The following COL22A1 variants were observed in gnomAD, a reference collection of about 807,000 sequenced individuals.
COL22A1 encodes the protein collagen type XXII alpha 1 chain, also known as collagen alpha-1(XXII) chain.
Under a neutral mutation model 248.9 loss-of-function variants are expected in COL22A1, and 221 were observed. The observed-to-expected ratio is 0.89, with a 90% CI of 0.80 to 0.99. COL22A1 has a LOEUF of 0.99. Among genes scored for constraint, COL22A1 ranks in the 50% least tolerant of loss-of-function variants. The pLI is 0.00. For missense variants in COL22A1, 2,240 were observed against 2,179.0 expected (o/e 1.03, Z -0.56); for synonymous variants, 891 against 793.4 (o/e 1.12, Z -2.07).
intron 40 of COL22A1, among the ~76,000 whole-genome samples, chr8:138,679,159 C>T (rs1335974479): frequency 6.6e-6 from 1 of 152,074 alleles, no homozygotes; most frequent in Non-Finnish European, 1.5e-5. Flanking sequence ...CTCAAACAGT[C>T]CTCCCTCTAT....
At chr8:138,893,270 A>G (rs1825190351) in intron 1 of COL22A1, among the ~76,000 whole-genome samples, 1 of 152,228 alleles carries the variant, frequency 6.6e-6, no homozygotes, top group South Asian at 2.1e-4. Context: ...GGCAGCTAGC[A>G]TAATGACTAA....
chr8:138,870,556 G>A (rs986361531), intron 3 of COL22A1, among the ~76,000 whole-genome samples: 2 of 151,826 alleles, frequency 1.3e-5, no homozygotes, highest in African/African-American at 2.4e-5. Context: ...TGTGTATGTG[G>A]TGCGTGTGGT....
chr8:138,780,055 C>T (rs1284075495), intron 13 of COL22A1, among the ~76,000 whole-genome samples: 1 of 152,212 alleles, frequency 6.6e-6, no homozygotes, highest in African/African-American at 2.4e-5. Context: ...AGCCACCATG[C>T]CTGGCAACAC....
rs190396862 is a variant in COL22A1, at chr8:138,804,429, C to T, written c.1495-1495G>A. ...TCTGCTCTCCTTGTGGGGCCCAGGG[C>T]CTGCTCTGCTCAAGCACAGCAGAGG... On this transcript the variant is annotated intron_variant, in intron 10 of 64. Transcript: ENST00000303045. Among the ~76,000 whole-genome samples, 328 of 152,292 alleles carry T rather than the reference C, an allele frequency of 2.2e-3. 4 individuals carry two copies. The highest frequency in any genetic ancestry group is 1.0e-3 in the Non-Finnish European group (68 of 68,028).
intron 12 of COL22A1, among the ~76,000 whole-genome samples, chr8:138,784,095 T>C (rs1012146610): frequency 6.6e-6 from 1 of 152,174 alleles, no homozygotes; most frequent in African/African-American, 2.4e-5. Context: ...CAGCAGAGGG[T>C]TCGAAGATGT....
rs1420049612 is a variant in COL22A1, at chr8:138,821,135, C to T, written c.1245+1G>A. The T allele has an allele frequency of 5.6e-6, 9 of 1,612,614 alleles. No homozygotes were observed. Among genetic ancestry groups the T allele is most frequent in the East Asian group, 4.5e-5 (2 of 44,820 alleles). On this transcript the variant is annotated splice_donor_variant, in intron 7 of 64. Transcript: ENST00000303045. LOFTEE classifies it high-confidence loss of function. ...GCTGCAGAAGGCCCCCTGGTACTCA[C>T]GTCAATGGGCACACTGTCGTAGAGG...
chr8:138,800,422 G>A (rs545826040), intron 11 of COL22A1, among the ~76,000 whole-genome samples: 1 of 152,222 alleles, frequency 6.6e-6, no homozygotes, highest in African/African-American at 2.4e-5. Flanking sequence ...CTTTTTGGGG[G>A]GAGTAGATTC....
chr8:138,695,818 G>A (rs1827460227), intron 32 of COL22A1, among the ~76,000 whole-genome samples: 1 of 151,876 alleles, frequency 6.6e-6, no homozygotes, highest in Admixed American at 6.6e-5. Flanking sequence ...GAGCAGATGG[G>A]GGACTACAGT....
At chr8:138,707,386 C>T (rs1586522773) in intron 30 of COL22A1, among the ~76,000 whole-genome samples, 1 of 152,252 alleles carries the variant, frequency 6.6e-6, no homozygotes, top group South Asian at 2.1e-4. Flanking sequence ...CAAAAATCCT[C>T]AATAAAATAT....
intron 30 of COL22A1, among the ~76,000 whole-genome samples, chr8:138,714,588 AGGGTAT>A (rs1829290018): frequency 6.6e-6 from 1 of 152,096 alleles, no homozygotes; most frequent in Non-Finnish European, 1.5e-5. Context: ...CTAGTCCTGG[AGGGTAT>A]GGCCACATCC....
chr8:138,718,837 G>A (rs1037097649), intron 27 of COL22A1, among the ~76,000 whole-genome samples: 1 of 152,204 alleles, frequency 6.6e-6, no homozygotes, highest in Non-Finnish European at 1.5e-5. Flanking sequence ...TTTCAACCAT[G>A]AGTGATGATC....
intron 12 of COL22A1, among the ~76,000 whole-genome samples, chr8:138,781,675 G>A (rs1307708121): frequency 6.6e-6 from 1 of 152,114 alleles, no homozygotes; most frequent in Non-Finnish European, 1.5e-5. Flanking sequence ...CACACATCCT[G>A]GAGAAGGCTG....
chr8:138,905,715 A>T (rs945308893), intron 1 of COL22A1, among the ~76,000 whole-genome samples: 1 of 152,164 alleles, frequency 6.6e-6, no homozygotes, highest in Admixed American at 6.5e-5. Context: ...ACGTTATCGG[A>T]CAAGACAGTT....
chr8:138,708,174 A>G (rs200930646), intron 30 of COL22A1, among the ~76,000 whole-genome samples: 3 of 152,290 alleles, frequency 2.0e-5, no homozygotes, highest in African/African-American at 7.2e-5. Flanking sequence ...ATGCTCATGG[A>G]TAGGAAGAAT....
intron 31 of COL22A1, among the ~76,000 whole-genome samples, chr8:138,703,050 G>T (rs1413525147): frequency 6.6e-6 from 1 of 152,170 alleles, no homozygotes; most frequent in Non-Finnish European, 1.5e-5. Flanking sequence ...ATATGTGACA[G>T]GCAGATATGT....
At position 138,825,256 on chromosome 8, in the gene COL22A1, T is replaced by C. The variant is rs374829602; in HGVS notation, c.969+1402A>G. 1.7e-3 allele frequency among the ~76,000 whole-genome samples: 264 copies of C among 152,304 alleles called. 1 individual carries two copies. The South Asian group carries it at 0.026, about 15-fold the overall frequency. On this transcript the variant is annotated intron_variant, in intron 6 of 64. Transcript: ENST00000303045. ...AAAATCAAGCCTCTCAGCAGTTAGTTTGAAAATGTCTCAATGTCTCTGCAT... is the reference window on the plus strand; with the variant it reads ...AAAATCAAGCCTCTCAGCAGTTAGTCTGAAAATGTCTCAATGTCTCTGCAT...
intron 7 of COL22A1, among the ~76,000 whole-genome samples, chr8:138,813,579 C>T (rs950551997): frequency 6.6e-6 from 1 of 152,202 alleles, no homozygotes; most frequent in African/African-American, 2.4e-5. Context: ...ACTAATACAA[C>T]CCCTTCCTTC....
At chr8:138,744,855 G>T (rs1831978237) in intron 22 of COL22A1, among the ~76,000 whole-genome samples, 1 of 152,176 alleles carries the variant, frequency 6.6e-6, no homozygotes, top group South Asian at 2.1e-4. Context: ...TGACAGTCAA[G>T]AACCCCATGA....
intron 7 of COL22A1, among the ~76,000 whole-genome samples, chr8:138,819,928 G>A (rs1480736894): frequency 1.3e-5 from 2 of 151,970 alleles, no homozygotes; most frequent in Non-Finnish European, 2.9e-5. Flanking sequence ...AAGGACAGCT[G>A]TTGCTTACAT....
Sources: gnomAD v4.1 joint callset for allele counts (sites outside exome capture counted in the v4.1 genomes callset) on GRCh38, gnomAD v4.1.1 for gene constraint, MANE v1.5 for transcripts, NCBI Gene and HGNC (gene_info 2026-07-23, HGNC 2026-07-21) for gene names.